SPEF2: variants seen among roughly 807,000 people sequenced by gnomAD.
The protein encoded by SPEF2 is sperm flagellar and cilia associated 2.
Under a neutral mutation model 224.6 loss-of-function variants are expected in SPEF2, and 187 were observed. That is an observed-to-expected ratio of 0.83 (90% confidence interval 0.74 to 0.94). The LOEUF (loss-of-function observed/expected upper bound fraction) is 0.94. Among genes scored for constraint, SPEF2 ranks in the 40% least tolerant of loss-of-function variants. The probability of loss-of-function intolerance (pLI) is 0.00; values close to 1 mark genes in which losing one functional copy is unlikely to be tolerated. For synonymous variants in SPEF2, 715 were observed against 707.3 expected (o/e 1.01, Z -0.17); for missense variants, 2,170 against 2,135.6 (o/e 1.02, Z -0.32).
At chr5:35,706,322 G>T (rs1173565193) in intron 18 of SPEF2, among the ~76,000 whole-genome samples, 2 of 151,610 alleles carry the variant, frequency 1.3e-5, no homozygotes, top group Non-Finnish European at 2.9e-5. Context: ...TTATTAAATT[G>T]ATTATTAATT....
chr5:35,771,539 G>T, intron 26 of SPEF2, 70 bp from the exon 27 acceptor site: 1 of 1,543,378 alleles, frequency 6.5e-7, no homozygotes, highest in South Asian at 1.3e-5. Context: ...ATTTAGTAAT[G>T]ACTACATCCA....
chr5:35,640,962 A>C lies in SPEF2; in HGVS notation c.162-469A>C, dbSNP rs79746149. On this transcript the variant is annotated intron_variant, in intron 2 of 36. Coordinates refer to ENST00000356031, the MANE Select transcript of SPEF2 (RefSeq NM_024867.4). Reference sequence around the variant, plus strand: ...GTTAGACTGTAAGAGGCTCAAAAACATGCTATATGATGTTATACACGCTTT... The same window carrying C: ...GTTAGACTGTAAGAGGCTCAAAAACCTGCTATATGATGTTATACACGCTTT... 2.7e-3 allele frequency among the ~76,000 whole-genome samples: 418 copies of C among 152,288 alleles called. 10 individuals are homozygous for C. In the East Asian group the frequency reaches 0.03, roughly 11 times the overall value.
intron 30 of SPEF2, among the ~76,000 whole-genome samples, chr5:35,784,887 C>T (rs1230642771): frequency 6.6e-6 from 1 of 152,104 alleles, no homozygotes; most frequent in East Asian, 1.9e-4. Flanking sequence ...CTGTCAGTCT[C>T]TCTGCAAAGC....
At chr5:35,668,417 C>A (rs1750812714) in intron 9 of SPEF2, among the ~76,000 whole-genome samples, 1 of 152,068 alleles carries the variant, frequency 6.6e-6, no homozygotes, top group Admixed American at 6.6e-5. Context: ...GTTACATGCT[C>A]TGTGATTTCA....
chr5:35,753,807 C>T (rs1219913836), intron 24 of SPEF2, 46 bp downstream of exon 24: 1 of 1,610,764 alleles, frequency 6.2e-7, no homozygotes, highest in East Asian at 2.2e-5. Flanking sequence ...CCTTCACAGC[C>T]TCATTCCTCA....
intron 10 of SPEF2, among the ~76,000 whole-genome samples, chr5:35,687,362 A>C (rs1753771850): frequency 6.6e-6 from 1 of 152,046 alleles, no homozygotes; most frequent in Non-Finnish European, 1.5e-5. Context: ...TATTTTTAAA[A>C]AGTGCTTTCG....
chr5:35,642,974 C>T (rs1032011618), intron 3 of SPEF2, among the ~76,000 whole-genome samples: 22 of 152,112 alleles, frequency 1.4e-4, no homozygotes, highest in Admixed American at 7.2e-4. Flanking sequence ...TTGAGCCAGC[C>T]TCTAAACAAC....
chr5:35,796,295 A>G (rs928334001), intron 33 of SPEF2, among the ~76,000 whole-genome samples: 1 of 151,044 alleles, frequency 6.6e-6, no homozygotes, highest in African/African-American at 2.5e-5. Context: ...TGAGGCCACA[A>G]TAAAAAGCCA....
chr5:35,798,298 C>CCT (rs111707352), intron 33 of SPEF2, among the ~76,000 whole-genome samples: 8,704 of 152,170 alleles, frequency 0.057, 773 homozygotes, highest in African/African-American at 0.18. Context: ...GATCCTGTTG[C>CCT]CTTTCATTTC....
chr5:35,740,474 G>C (rs1747420442), intron 23 of SPEF2, among the ~76,000 whole-genome samples: 1 of 152,212 alleles, frequency 6.6e-6, no homozygotes, highest in Admixed American at 6.5e-5. Flanking sequence ...CTTCTGGAAA[G>C]AGGGGCCAAA....
rs528612431 is a variant in SPEF2, at chr5:35,784,927, C to T, written c.4447+5581C>T. Reference sequence around the variant, plus strand: ...GAGAACCCAGAGGCAGGAATAAGGGCACCTGAGTGGTTGGTTGCCTGAAAG... The same window carrying T: ...GAGAACCCAGAGGCAGGAATAAGGGTACCTGAGTGGTTGGTTGCCTGAAAG... On this transcript the variant is annotated intron_variant, in intron 30 of 36. Coordinates refer to ENST00000356031, the MANE Select transcript of SPEF2 (RefSeq NM_024867.4). Among the ~76,000 whole-genome samples, 99 of 152,278 alleles carry T rather than the reference C, an allele frequency of 6.5e-4. 2 individuals carry two copies. The South Asian group carries it at 0.017, about 26-fold the overall frequency.
At chr5:35,739,232 A>G (rs1747165074) in intron 21 of SPEF2, among the ~76,000 whole-genome samples, 1 of 152,174 alleles carries the variant, frequency 6.6e-6, no homozygotes, top group East Asian at 1.9e-4. Context: ...TGGGACTGCC[A>G]TTCTAGAGAT....
intron 25 of SPEF2, among the ~76,000 whole-genome samples, chr5:35,762,316 C>T (rs528098822): frequency 2.6e-5 from 4 of 152,228 alleles, no homozygotes; most frequent in Admixed American, 1.3e-4. Flanking sequence ...CAAAGCAAGA[C>T]GTTGAAAAAT....
intron 2 of SPEF2, among the ~76,000 whole-genome samples, chr5:35,638,755 A>G (rs1446111036): frequency 6.6e-6 from 1 of 152,204 alleles, no homozygotes; most frequent in East Asian, 1.9e-4. Flanking sequence ...TTACTCCTCA[A>G]CTAGATTGTG....
intron 24 of SPEF2, among the ~76,000 whole-genome samples, chr5:35,755,801 G>A (rs982783757): frequency 2.0e-5 from 3 of 152,018 alleles, no homozygotes; most frequent in South Asian, 2.1e-4. Context: ...GTAGAGACAC[G>A]GTTTCACCAT....
intron 26 of SPEF2, among the ~76,000 whole-genome samples, chr5:35,767,709 A>T (rs1438774242): frequency 6.6e-6 from 1 of 152,130 alleles, no homozygotes; most frequent in Non-Finnish European, 1.5e-5. Flanking sequence ...CAACTACATT[A>T]AATTTAAATG....
intron 6 of SPEF2, among the ~76,000 whole-genome samples, chr5:35,654,275 G>T (rs191012158): frequency 2.0e-5 from 3 of 151,806 alleles, no homozygotes; most frequent in Admixed American, 1.3e-4. Flanking sequence ...AAAAAAAAAG[G>T]TGAAAGAATA....
At chr5:35,708,234 G>A (rs1440183479) in intron 18 of SPEF2, among the ~76,000 whole-genome samples, 1 of 152,074 alleles carries the variant, frequency 6.6e-6, no homozygotes, top group Non-Finnish European at 1.5e-5. Flanking sequence ...AATTGAAGAT[G>A]TATGTACTGT....
chr5:35,808,278 C>T (rs145519140), intron 36 of SPEF2: 21 of 572,876 alleles, frequency 3.7e-5, no homozygotes, highest in Non-Finnish European at 4.4e-5. Context: ...ACTTTAAGTT[C>T]TAGGGCACAT....
Sources: gnomAD v4.1 joint callset for allele counts (sites outside exome capture counted in the v4.1 genomes callset) on GRCh38, gnomAD v4.1.1 for gene constraint, MANE v1.5 for transcripts, NCBI Gene and HGNC (gene_info 2026-07-23, HGNC 2026-07-21) for gene names.